PRKD1: variants seen among roughly 807,000 people sequenced by gnomAD.
PRKD1 encodes the protein serine/threonine-protein kinase D1.
PRKD1 carries 63 observed loss-of-function variants against 95.9 expected under a neutral mutation model. That is an observed-to-expected ratio of 0.66 (90% CI 0.54 to 0.81). PRKD1 has a LOEUF of 0.81. Among genes scored for constraint, PRKD1 ranks in the 30% least tolerant of loss-of-function variants. The pLI is 0.00. For missense variants in PRKD1, 1,048 were observed against 1,165.3 expected, an observed-to-expected ratio of 0.90 and a Z score of 1.47; for synonymous variants, 425 against 423.1, an observed-to-expected ratio of 1.00 and a Z score of -0.05.
intron 8 of PRKD1, 31 bp downstream of exon 8, chr14:29,634,387 G>T: frequency 6.2e-7 from 1 of 1,613,566 alleles, no homozygotes; most frequent in Non-Finnish European, 8.5e-7. Flanking sequence ...AGCTAGCAAG[G>T]CAAGAGAACA....
intron 2 of PRKD1, among the ~76,000 whole-genome samples, chr14:29,715,029 G>A (rs942503352): frequency 9.9e-5 from 15 of 151,810 alleles, no homozygotes; most frequent in Non-Finnish European, 1.6e-4. Context: ...TGAGGGGTGC[G>A]GCAATCCACC....
At chr14:29,655,849 T>C (rs966294362) in intron 4 of PRKD1, among the ~76,000 whole-genome samples, 15 of 151,746 alleles carry the variant, frequency 9.9e-5, no homozygotes, top group East Asian at 5.8e-4. Flanking sequence ...GAAAGATCCT[T>C]TATTGAAAAG....
At chr14:29,882,886 C>A (rs1319265656) in intron 1 of PRKD1, among the ~76,000 whole-genome samples, 1 of 151,978 alleles carries the variant, frequency 6.6e-6, no homozygotes, top group African/African-American at 2.4e-5. Context: ...CACGTGTATA[C>A]CACGTTTTGT....
chr14:29,927,157 G>A, intron 1 of PRKD1, 92 bp downstream of exon 1: 8 of 1,276,516 alleles, frequency 6.3e-6, no homozygotes, highest in Non-Finnish European at 6.9e-6. Flanking sequence ...GCCGAGCCCC[G>A]GGAGCCGGAA....
chr14:29,921,139 C>T (rs1273616191), intron 1 of PRKD1, among the ~76,000 whole-genome samples: 1 of 152,122 alleles, frequency 6.6e-6, no homozygotes. Context: ...GGAGTTAAAT[C>T]ATCTTTCTGT....
At chr14:29,725,698 G>A (rs753388006) in intron 1 of PRKD1, 24 bp from the exon 2 acceptor site, 4 of 1,601,956 alleles carry the variant, frequency 2.5e-6, no homozygotes, top group Admixed American at 1.7e-5. Flanking sequence ...TACCATGAGA[G>A]TGTAAATGTC....
Position 29,840,101 on chromosome 14 carries a change from C to T in PRKD1, c.264+87148G>A, listed in dbSNP as rs149429284. Among the ~76,000 whole-genome samples, 238 of 152,152 alleles carry T rather than the reference C, an allele frequency of 1.6e-3. 3 individuals carry two copies. Among genetic ancestry groups the T allele is most frequent in the African/African-American group, 4.8e-3 (201 of 41,524 alleles). ...TTTTCTTTTCTATCACATTGTCAGGCGGCAAATTTTCAAACTTCTATACTC... is the reference window on the plus strand; with the variant it reads ...TTTTCTTTTCTATCACATTGTCAGGTGGCAAATTTTCAAACTTCTATACTC... On this transcript the variant is annotated intron_variant, in intron 1 of 17. Transcript: ENST00000331968.
At chr14:29,920,143 G>C (rs1413099706) in intron 1 of PRKD1, among the ~76,000 whole-genome samples, 1 of 150,668 alleles carries the variant, frequency 6.6e-6, no homozygotes, top group Non-Finnish European at 1.5e-5. Context: ...GAGAAGAAAA[G>C]AAAAGGAAGG....
chr14:29,725,340 G>A (rs1242274448), intron 2 of PRKD1, among the ~76,000 whole-genome samples, 196 bp downstream of exon 2: 1 of 152,170 alleles, frequency 6.6e-6, no homozygotes, highest in Non-Finnish European at 1.5e-5. Context: ...CGTGATTGGA[G>A]CAGTACTGGG....
At chr14:29,651,347 C>T (rs1452094907) in intron 4 of PRKD1, among the ~76,000 whole-genome samples, 1 of 152,180 alleles carries the variant, frequency 6.6e-6, no homozygotes, top group African/African-American at 2.4e-5. Flanking sequence ...GAGAAAGAGG[C>T]ATATTTGTTC....
At chr14:29,764,289 TA>T (rs1888163051) in intron 1 of PRKD1, among the ~76,000 whole-genome samples, 1 of 151,914 alleles carries the variant, frequency 6.6e-6, no homozygotes, top group African/African-American at 2.4e-5. Context: ...AAAAAAAATC[TA>T]AAAAGTACTA....
At chr14:29,659,101 C>A (rs1480653177) in intron 4 of PRKD1, among the ~76,000 whole-genome samples, 1 of 152,190 alleles carries the variant, frequency 6.6e-6, no homozygotes, top group Non-Finnish European at 1.5e-5. Flanking sequence ...CATGTAACCT[C>A]TACCCAGATC....
intron 1 of PRKD1, among the ~76,000 whole-genome samples, chr14:29,746,408 C>T (rs1407840217): frequency 6.6e-6 from 1 of 152,124 alleles, no homozygotes; most frequent in Non-Finnish European, 1.5e-5. Context: ...GGCTTTTGTT[C>T]TTACTGTTAC....
chr14:29,850,559 A>G (rs1594576383), intron 1 of PRKD1, among the ~76,000 whole-genome samples: 1 of 152,132 alleles, frequency 6.6e-6, no homozygotes, highest in East Asian at 1.9e-4. Context: ...ACTACAAAAC[A>G]TTGCTGAAAG....
intron 1 of PRKD1, among the ~76,000 whole-genome samples, chr14:29,776,842 T>A (rs1194042985): frequency 1.3e-5 from 2 of 152,010 alleles, no homozygotes; most frequent in East Asian, 3.9e-4. Flanking sequence ...CACATAATTG[T>A]CAGATTCACC....
chr14:29,711,125 T>C (rs1885315441), intron 2 of PRKD1, among the ~76,000 whole-genome samples: 1 of 152,146 alleles, frequency 6.6e-6, no homozygotes, highest in South Asian at 2.1e-4. Context: ...ATGAATCTAT[T>C]TGACTCAACA....
intron 1 of PRKD1, among the ~76,000 whole-genome samples, chr14:29,889,167 C>A (rs1274801358): frequency 6.6e-6 from 1 of 152,160 alleles, no homozygotes; most frequent in East Asian, 1.9e-4. Context: ...AAGTTCAAGA[C>A]ATAAATTTGA....
At chr14:29,614,856 ATTTTTTTT>A (rs55917722) in intron 13 of PRKD1, among the ~76,000 whole-genome samples, 4 of 115,678 alleles carry the variant, frequency 3.5e-5, no homozygotes, top group African/African-American at 1.1e-4. Context: ...TGCCCAGCTA[ATTTTTTTT>A]TTTTTTTTTT....
chr14:29,920,915 G>T (rs2139138819), intron 1 of PRKD1, among the ~76,000 whole-genome samples: 2 of 152,274 alleles, frequency 1.3e-5, no homozygotes, highest in Middle Eastern at 6.8e-3. Context: ...ACCTCTAGAT[G>T]TTAGCATGAC....
Sources: allele counts gnomAD v4.1 joint callset (sites outside exome capture counted in the v4.1 genomes callset), GRCh38; gene constraint gnomAD v4.1.1; transcripts MANE v1.5; gene names NCBI Gene and HGNC (gene_info 2026-07-23, HGNC 2026-07-21).